The following RSRC1 variants were observed in gnomAD, a reference collection of about 807,000 sequenced individuals.
RSRC1 encodes serine/Arginine-related protein 53.
In RSRC1, 39 loss-of-function variants were observed where a neutral mutation model predicts 49.1. The ratio of observed to expected loss-of-function variants is 0.79; its 90% CI spans 0.61 to 1.04. The LOEUF (loss-of-function observed/expected upper bound fraction) is 1.04. Ranked by LOEUF, RSRC1 falls within the 50% of genes least tolerant of loss-of-function variation. RSRC1 has a pLI of 0.00. For missense variants in RSRC1, 388 were observed against 402.4 expected, an observed-to-expected ratio of 0.96 and a Z score of 0.31; for synonymous variants, 143 against 130.8, an observed-to-expected ratio of 1.09 and a Z score of -0.63.
intron 6 of RSRC1, among the ~76,000 whole-genome samples, chr3:158,440,811 C>T (rs936146784): frequency 1.5e-4 from 23 of 151,892 alleles, no homozygotes; most frequent in African/African-American, 4.3e-4. Flanking sequence ...GGTGTGGTGG[C>T]GCTGCCTGTA....
At chr3:158,186,687 G>A (rs1478761245) in intron 3 of RSRC1, among the ~76,000 whole-genome samples, 1 of 151,940 alleles carries the variant, frequency 6.6e-6, no homozygotes, top group Admixed American at 6.6e-5. Flanking sequence ...AGTCTTTGAA[G>A]ATCTTTGAAC....
At chr3:158,487,948 A>AG (rs1491427689) in intron 7 of RSRC1, among the ~76,000 whole-genome samples, 6,454 of 104,850 alleles carry the variant, frequency 0.062, 752 homozygotes, top group Middle Eastern at 0.08. Context: ...CTCCATCTCA[A>AG]GAAAAAAAAA....
chr3:158,449,725 C>T (rs1419177903), intron 6 of RSRC1, among the ~76,000 whole-genome samples: 1 of 151,976 alleles, frequency 6.6e-6, no homozygotes, highest in African/African-American at 2.4e-5. Flanking sequence ...CAGACATTTA[C>T]ATTTTTCTGA....
intron 6 of RSRC1, among the ~76,000 whole-genome samples, chr3:158,431,156 A>C (rs541090718): frequency 6.6e-6 from 1 of 152,046 alleles, no homozygotes; most frequent in East Asian, 1.9e-4. Flanking sequence ...GCTAATCTTT[A>C]ATAATTGTTT....
chr3:158,424,812 G>A (rs1307481748), intron 6 of RSRC1, among the ~76,000 whole-genome samples: 1 of 152,166 alleles, frequency 6.6e-6, no homozygotes, highest in Non-Finnish European at 1.5e-5. Flanking sequence ...TCTTGGGAGA[G>A]TGTATGTGTC....
intron 3 of RSRC1, among the ~76,000 whole-genome samples, chr3:158,174,664 T>C (rs1559929378): frequency 6.6e-6 from 1 of 152,046 alleles, no homozygotes; most frequent in Non-Finnish European, 1.5e-5. Flanking sequence ...TTGCTCAACT[T>C]TCTTCATGAG....
At chr3:158,156,662 A>G (rs1024948876) in intron 3 of RSRC1, among the ~76,000 whole-genome samples, 7 of 152,194 alleles carry the variant, frequency 4.6e-5, no homozygotes, top group African/African-American at 1.7e-4. Context: ...CTAAATTTCA[A>G]TATCGTTGTA....
intron 6 of RSRC1, among the ~76,000 whole-genome samples, chr3:158,416,056 C>A (rs879439754): frequency 6.6e-6 from 1 of 151,858 alleles, no homozygotes; most frequent in Admixed American, 6.6e-5. Context: ...ATACTTGATA[C>A]CTATTTTATT....
At chr3:158,366,114 A>G (rs1023315416) in intron 6 of RSRC1, among the ~76,000 whole-genome samples, 5 of 152,068 alleles carry the variant, frequency 3.3e-5, no homozygotes, top group African/African-American at 9.7e-5. Flanking sequence ...CACTCTGATG[A>G]TAGTTTCTTT....
chr3:158,470,213 A>G (rs948527537), intron 7 of RSRC1, among the ~76,000 whole-genome samples: 3 of 151,882 alleles, frequency 2.0e-5, no homozygotes, highest in African/African-American at 7.3e-5. Context: ...TCACTGGCGG[A>G]CTTATGAACT....
chr3:158,124,508 T>C (rs1337751183), intron 3 of RSRC1, among the ~76,000 whole-genome samples: 1 of 152,154 alleles, frequency 6.6e-6, no homozygotes, highest in African/African-American at 2.4e-5. Context: ...TAATTTCTTT[T>C]TAAATGTTTG....
intron 3 of RSRC1, among the ~76,000 whole-genome samples, chr3:158,178,036 CCTT>C (rs1372999877): frequency 6.6e-6 from 1 of 152,022 alleles, no homozygotes; most frequent in African/African-American, 2.4e-5. Flanking sequence ...GTTTTTAGCA[CCTT>C]CTTTTTGTTA....
chr3:158,405,679 C>G (rs1248457275), intron 6 of RSRC1, among the ~76,000 whole-genome samples: 10 of 152,106 alleles, frequency 6.6e-5, no homozygotes, highest in Non-Finnish European at 1.5e-4. Context: ...AGCAGGCTAG[C>G]CTTTTCATAG....
intron 6 of RSRC1, among the ~76,000 whole-genome samples, chr3:158,425,562 G>C (rs543499860): frequency 8.5e-4 from 129 of 152,094 alleles, no homozygotes; most frequent in Middle Eastern, 3.4e-3. Context: ...ATATTCTGTT[G>C]ATTTGGGATG....
chr3:158,455,973 C>G (rs1737286711), intron 6 of RSRC1, among the ~76,000 whole-genome samples: 1 of 73,918 alleles, frequency 1.4e-5, no homozygotes, highest in African/African-American at 5.1e-5. Context: ...GAGCAAGACT[C>G]CATCTCAAAA....
At chr3:158,315,440 A>G (rs1338996833) in intron 5 of RSRC1, among the ~76,000 whole-genome samples, 1 of 152,144 alleles carries the variant, frequency 6.6e-6, no homozygotes, top group Non-Finnish European at 1.5e-5. Flanking sequence ...CATTTTACAG[A>G]TAAGGAAACT....
At chr3:158,508,654 G>A (rs1739996483) in intron 7 of RSRC1, among the ~76,000 whole-genome samples, 1 of 152,146 alleles carries the variant, frequency 6.6e-6, no homozygotes, top group Non-Finnish European at 1.5e-5. Context: ...GTGCTGAGTA[G>A]CGTGATGAAA....
At chr3:158,198,381 G>A (rs1720783312) in intron 3 of RSRC1, among the ~76,000 whole-genome samples, 1 of 152,082 alleles carries the variant, frequency 6.6e-6, no homozygotes, top group Non-Finnish European at 1.5e-5. Flanking sequence ...GAGCTTATGT[G>A]TATCTCTGCA....
chr3:158,205,112 C>A (rs1721275015), intron 4 of RSRC1, among the ~76,000 whole-genome samples: 1 of 152,152 alleles, frequency 6.6e-6, no homozygotes, highest in African/African-American at 2.4e-5. Context: ...TTAATTTCAA[C>A]AAAGGCAATG....
Sources: gnomAD v4.1 joint callset for allele counts (sites outside exome capture counted in the v4.1 genomes callset) on GRCh38, gnomAD v4.1.1 for gene constraint, MANE v1.5 for transcripts, NCBI Gene and HGNC (gene_info 2026-07-23, HGNC 2026-07-21) for gene names.